MGAT5: variants seen among roughly 807,000 people sequenced by gnomAD.
MGAT5 encodes the protein alpha-1,6-mannosylglycoprotein 6-beta-N-acetylglucosaminyltransferase.
MGAT5 carries 30 observed loss-of-function variants against 94.3 expected under a neutral mutation model. The observed-to-expected ratio is 0.32, with a 90% confidence interval of 0.24 to 0.43. The LOEUF is 0.43. Among genes scored for constraint, MGAT5 ranks in the 20% least tolerant of loss-of-function variants. The pLI is 1.00. For synonymous variants in MGAT5, 310 were observed against 322.9 expected (o/e 0.96, Z 0.43); for missense variants, 691 against 905.5 (o/e 0.76, Z 3.04).
chr2:134,225,998 G>A (rs1322124006), intron 1 of MGAT5, among the ~76,000 whole-genome samples: 1 of 152,190 alleles, frequency 6.6e-6, no homozygotes, highest in African/African-American at 2.4e-5. Flanking sequence ...GTGTTAAGTA[G>A]CCTAAACAGT....
chr2:134,360,544 T>C (rs1189129294), intron 9 of MGAT5, among the ~76,000 whole-genome samples: 1 of 138,816 alleles, frequency 7.2e-6, no homozygotes, highest in Non-Finnish European at 1.6e-5. Flanking sequence ...TTTCTGAAAA[T>C]AAAAAAAATT....
chr2:134,189,602 G>GTTTTGT (rs1553490380), intron 1 of MGAT5, among the ~76,000 whole-genome samples: 11 of 84,642 alleles, frequency 1.3e-4, no homozygotes, highest in African/African-American at 4.8e-4. Flanking sequence ...GTTTTTTTTT[G>GTTTTGT]TTTTTTTTTT....
chr2:134,312,462 G>A (rs1056087464), intron 2 of MGAT5, among the ~76,000 whole-genome samples: 1 of 152,186 alleles, frequency 6.6e-6, no homozygotes, highest in African/African-American at 2.4e-5. Flanking sequence ...GTGACTCCAA[G>A]TAAGGCTCTC....
chr2:134,180,654 C>T (rs73958166), intron 1 of MGAT5, among the ~76,000 whole-genome samples: 1,860 of 152,262 alleles, frequency 0.012, 54 homozygotes, highest in African/African-American at 0.043. Context: ...CTGTGAGGAC[C>T]GCACTCCTGC....
At chr2:134,440,856 G>A (rs1685449916) in intron 14 of MGAT5, among the ~76,000 whole-genome samples, 1 of 152,112 alleles carries the variant, frequency 6.6e-6, no homozygotes, top group Admixed American at 6.5e-5. Flanking sequence ...GTCACTCACT[G>A]ATTCACCAAA....
chr2:134,227,970 A>T (rs1681153733), intron 1 of MGAT5, among the ~76,000 whole-genome samples: 1 of 152,136 alleles, frequency 6.6e-6, no homozygotes, highest in African/African-American at 2.4e-5. Flanking sequence ...TTGTTTAAAT[A>T]CTCGAGACAG....
At chr2:134,398,025 C>T (rs1419433354) in intron 10 of MGAT5, among the ~76,000 whole-genome samples, 6 of 152,136 alleles carry the variant, frequency 3.9e-5, no homozygotes, top group South Asian at 2.1e-4. Context: ...GGTAACAGGC[C>T]GATTTCCATA....
chr2:134,303,070 A>G (rs1686121738), intron 2 of MGAT5, among the ~76,000 whole-genome samples: 1 of 152,086 alleles, frequency 6.6e-6, no homozygotes, highest in South Asian at 2.1e-4. Flanking sequence ...GTTCGCCTAC[A>G]TGATGTTCTC....
At chr2:134,379,846 C>G (rs1681426219) in intron 10 of MGAT5, among the ~76,000 whole-genome samples, 1 of 152,204 alleles carries the variant, frequency 6.6e-6, no homozygotes, top group Non-Finnish European at 1.5e-5. Flanking sequence ...AGGGACAAAT[C>G]AAGTGGTTTG....
intron 1 of MGAT5, among the ~76,000 whole-genome samples, chr2:134,185,524 C>T (rs1688964028): frequency 2.0e-5 from 3 of 152,116 alleles, no homozygotes; most frequent in South Asian, 2.1e-4. Flanking sequence ...GCCATTTTTA[C>T]GTGATTACTG....
At chr2:134,234,201 G>T (rs1012842570) in intron 1 of MGAT5, among the ~76,000 whole-genome samples, 2 of 152,164 alleles carry the variant, frequency 1.3e-5, no homozygotes, top group African/African-American at 4.8e-5. Flanking sequence ...GAAGGAAGCC[G>T]GGGATTGGGG....
chr2:134,252,961 A>G (rs544342893), upstream of MGAT5: 8 of 152,352 alleles, frequency 5.3e-5, no homozygotes, highest in Admixed American at 1.3e-4. Flanking sequence ...TTCTAATAAA[A>G]CAGAGACGAT....
chr2:134,279,331 A>C (rs1684559475), intron 2 of MGAT5, among the ~76,000 whole-genome samples: 3 of 152,244 alleles, frequency 2.0e-5, no homozygotes, highest in Admixed American at 6.5e-5. Context: ...TTCACTTTTG[A>C]AAACTGAGAT....
chr2:134,182,790 T>TTG (rs199850689), intron 1 of MGAT5, among the ~76,000 whole-genome samples: 1,814 of 144,150 alleles, frequency 0.013, 47 homozygotes, highest in African/African-American at 0.045. Context: ...GTTTTTTTTT[T>TTG]TTTTTTTTTT....
chr2:134,283,645 CTTTTTTT>C (rs35922830), intron 2 of MGAT5, among the ~76,000 whole-genome samples: 11 of 69,088 alleles, frequency 1.6e-4, no homozygotes, highest in African/African-American at 4.1e-4. Flanking sequence ...AATGTAGTAT[CTTTTTTT>C]TTTTTTTTTT....
At chr2:134,156,297 C>T (rs748375383) in intron 1 of MGAT5, among the ~76,000 whole-genome samples, 5 of 152,126 alleles carry the variant, frequency 3.3e-5, no homozygotes, top group Non-Finnish European at 5.9e-5. Flanking sequence ...TCATGGAGTG[C>T]CAAAAAGGAA....
chr2:134,418,028 CT>C (rs1490351939), intron 12 of MGAT5, among the ~76,000 whole-genome samples: 2 of 151,916 alleles, frequency 1.3e-5, no homozygotes, highest in African/African-American at 4.8e-5. Context: ...AACTGACACA[CT>C]TTTGTTAAAA....
chr2:134,429,210 T>C (rs1684751083), intron 14 of MGAT5, among the ~76,000 whole-genome samples: 1 of 152,214 alleles, frequency 6.6e-6, no homozygotes, highest in African/African-American at 2.4e-5. Flanking sequence ...ATGAGGATGG[T>C]GCAAGCTGAA....
intron 11 of MGAT5, among the ~76,000 whole-genome samples, chr2:134,411,350 A>AG (rs1558866916): frequency 6.6e-6 from 1 of 151,970 alleles, no homozygotes; most frequent in East Asian, 1.9e-4. Flanking sequence ...CTGCTGCCCA[A>AG]GGGGGAAATG....
Sources: gnomAD v4.1 joint callset for allele counts (sites outside exome capture counted in the v4.1 genomes callset) on GRCh38, gnomAD v4.1.1 for gene constraint, MANE v1.5 for transcripts, NCBI Gene and HGNC (gene_info 2026-07-23, HGNC 2026-07-21) for gene names.